Variants in GNAS-AS1 observed in about 807,000 individuals in gnomAD.
The protein encoded by GNAS-AS1 is GNAS antisense RNA 1 (non-protein coding).
chr20:58,819,428 T>A (rs888726631), intron 4 of GNAS-AS1, among the ~76,000 whole-genome samples: 24 of 152,376 alleles, frequency 1.6e-4, no homozygotes, highest in Admixed American at 9.8e-4. Context: ...GGAACTTACT[T>A]TCACGGGCAA....
chr20:58,845,683 T>C (rs1040662250), intron 2 of GNAS-AS1, among the ~76,000 whole-genome samples: 1 of 152,252 alleles, frequency 6.6e-6, no homozygotes, highest in Non-Finnish European at 1.5e-5. Context: ...TTCCCTTGTT[T>C]AAAAATCTCA....
intron 4 of GNAS-AS1, chr20:58,819,285 C>A: frequency 2.5e-6 from 1 of 398,514 alleles, no homozygotes; most frequent in Non-Finnish European, 4.4e-6. Flanking sequence ...GGAATAAAAA[C>A]AAAGAGAAAA....
At chr20:58,820,565 A>T (rs1288954751) in intron 4 of GNAS-AS1, among the ~76,000 whole-genome samples, 1 of 152,216 alleles carries the variant, frequency 6.6e-6, no homozygotes, top group Non-Finnish European at 1.5e-5. Context: ...TCCCAGATGG[A>T]CCCTGTATTA....
chr20:58,840,410 G>C lies in GNAS-AS1; in HGVS notation n.819+1527C>G, dbSNP rs752452409. The C allele has an allele frequency of 1.7e-5, 28 of 1,613,480 alleles. No individual in the cohort carries two copies. Among genetic ancestry groups the C allele is most frequent in the Non-Finnish European group, 2.4e-5 (28 of 1,179,984 alleles). On this transcript the variant is annotated intron_variant and non_coding_transcript_variant, in intron 4 of 4. Coordinates refer to ENST00000424094, the Ensembl canonical transcript of GNAS-AS1. The surrounding 1 kb of genome is among the most constrained non-coding windows in gnomAD (Gnocchi z 6.0). ...TGAGCTGTCCCTCCCCGAGTGCCTA[G>C]AGTACGAGGAAGAGTTCGACTACGA...
chr20:58,827,248 A>C (rs2085527144), intron 4 of GNAS-AS1, among the ~76,000 whole-genome samples: 1 of 152,112 alleles, frequency 6.6e-6, no homozygotes, highest in African/African-American at 2.4e-5. Context: ...CCAGCCCCAC[A>C]AGCAGAGCAG....
intron 4 of GNAS-AS1, among the ~76,000 whole-genome samples, chr20:58,821,113 C>T (rs1172824613): frequency 6.6e-6 from 1 of 152,256 alleles, no homozygotes; most frequent in Non-Finnish European, 1.5e-5. Flanking sequence ...AATCAGACCC[C>T]AGTGCCATGG....
chr20:58,850,398 G>A (rs1265640394), intron 1 of GNAS-AS1: 4 of 397,194 alleles, frequency 1.0e-5, no homozygotes, highest in African/African-American at 4.1e-5. Flanking sequence ...TGAGGGTGTC[G>A]AACAGAGACC....
chr20:58,832,793 G>A (rs1350245253), intron 4 of GNAS-AS1, among the ~76,000 whole-genome samples: 7 of 152,328 alleles, frequency 4.6e-5, no homozygotes, highest in East Asian at 3.9e-4. Flanking sequence ...AAAAATTTAC[G>A]AAGTGACAAG....
chr20:58,839,072 C>A (rs2145466215), intron 4 of GNAS-AS1: 2 of 398,554 alleles, frequency 5.0e-6, no homozygotes, highest in Middle Eastern at 1.3e-3. Context: ...GCTCTCAGCT[C>A]CAGTCCACTT....
At chr20:58,832,834 C>G (rs901337149) in intron 4 of GNAS-AS1, among the ~76,000 whole-genome samples, 3 of 152,218 alleles carry the variant, frequency 2.0e-5, no homozygotes, top group Non-Finnish European at 4.4e-5. Context: ...TAAAACAAGC[C>G]TCTCCTTAAG....
chr20:58,830,669 T>C (rs370674557), intron 4 of GNAS-AS1, among the ~76,000 whole-genome samples: 49 of 98,570 alleles, frequency 5.0e-4, no homozygotes, highest in East Asian at 4.1e-3. Flanking sequence ...ACCACCACCA[T>C]CACCATCACC....
intron 2 of GNAS-AS1, among the ~76,000 whole-genome samples, chr20:58,847,681 G>A (rs1323394292): frequency 1.3e-5 from 2 of 152,172 alleles, no homozygotes; most frequent in East Asian, 1.9e-4. Context: ...CTGCAAAGCC[G>A]CAGACCAAAA....
At chr20:58,824,037 C>T in intron 4 of GNAS-AS1, 1 of 398,730 alleles carries the variant, frequency 2.5e-6, no homozygotes, top group Non-Finnish European at 4.4e-6. Flanking sequence ...TCCTGACACG[C>T]TCTCTTTGGG....
intron 4 of GNAS-AS1, chr20:58,834,133 TG>T (rs1488926073): frequency 6.6e-6 from 1 of 152,152 alleles, no homozygotes; most frequent in Non-Finnish European, 1.5e-5. Flanking sequence ...AGAAGTCTGA[TG>T]GGGTGAGTCA....
At chr20:58,833,500 G>A (rs2085581076) in intron 4 of GNAS-AS1, among the ~76,000 whole-genome samples, 1 of 152,124 alleles carries the variant, frequency 6.6e-6, no homozygotes, top group South Asian at 2.1e-4. Flanking sequence ...GCCCTATTAG[G>A]AATCCTATCA....
chr20:58,829,886 T>A (rs2085542721), intron 4 of GNAS-AS1, among the ~76,000 whole-genome samples: 1 of 152,134 alleles, frequency 6.6e-6, no homozygotes, highest in South Asian at 2.1e-4. Context: ...CCTCACTGCA[T>A]GCATTCACCA....
chr20:58,840,271 C>A lies in GNAS-AS1; in HGVS notation n.819+1666G>T. The A allele has an allele frequency of 1.2e-6, 2 of 1,612,000 alleles. No homozygotes were observed. The highest frequency in any genetic ancestry group is 1.7e-6 in the Non-Finnish European group (2 of 1,179,902). On this transcript the variant is annotated intron_variant and non_coding_transcript_variant, in intron 4 of 4. Coordinates refer to ENST00000424094, the Ensembl canonical transcript of GNAS-AS1. This position sits in a 1 kb window ranked among gnomAD's most constrained non-coding sequence, Gnocchi z 6.0. ...CCTCCAACGCCCGTGCCCAGCAGCG[C>A]GCGGCTGCCCAACAGCGCCGGAGCT...
chr20:58,833,652 G>A (rs2085582255), intron 4 of GNAS-AS1, among the ~76,000 whole-genome samples: 1 of 152,146 alleles, frequency 6.6e-6, no homozygotes, highest in African/African-American at 2.4e-5. Context: ...CACCCGGCTA[G>A]GGCACTGATC....
At position 58,841,722 on chromosome 20, in the gene GNAS-AS1, C is replaced by G; in HGVS notation, n.819+215G>C. On this transcript the variant is annotated intron_variant and non_coding_transcript_variant, in intron 4 of 4. Coordinates refer to ENST00000424094, the Ensembl canonical transcript of GNAS-AS1. This position sits in a 1 kb window ranked among gnomAD's most constrained non-coding sequence, Gnocchi z 5.0. ...CCTTGGGGATGCCCCTACGGGCTACCAGGGTTGAACGCACAGGCATGGTCA... is the reference window on the plus strand; with the variant it reads ...CCTTGGGGATGCCCCTACGGGCTACGAGGGTTGAACGCACAGGCATGGTCA... The G allele has an allele frequency of 8.2e-7, 1 of 1,222,178 alleles. No individual in the cohort carries two copies. Among genetic ancestry groups the G allele is most frequent in the East Asian group, 3.2e-5 (1 of 31,108 alleles). The allele number at this position is 1,222,178 out of a possible 1,614,324, so 75.7% of individuals were successfully genotyped here. A position where few individuals can be genotyped will look rare whatever the true frequency, so the allele number is the denominator to read the frequency against.
Sources: gnomAD v4.1 joint callset for allele counts (sites outside exome capture counted in the v4.1 genomes callset) on GRCh38, gnomAD v4.1.1 for gene constraint, Gnocchi (gnomAD v3.1) non-coding constraint, MANE v1.5 for transcripts, NCBI Gene and HGNC (gene_info 2026-07-23, HGNC 2026-07-21) for gene names.